Variants in NAV1 observed in about 807,000 individuals in gnomAD.
NAV1 encodes the protein neuron navigator 1.
NAV1 carries 18 observed loss-of-function variants against 175.2 expected under a neutral mutation model. That is an observed-to-expected ratio of 0.10 (90% CI 0.07 to 0.15). The LOEUF is 0.15. Among genes scored for constraint, NAV1 ranks in the 10% least tolerant of loss-of-function variants. The probability of loss-of-function intolerance (pLI) is 1.00; values close to 1 mark genes in which losing one functional copy is unlikely to be tolerated. For missense variants in NAV1, 1,731 were observed against 2,436.6 expected (o/e 0.71, Z 6.10); for synonymous variants, 897 against 978.7 (o/e 0.92, Z 1.56).
intron 1 of NAV1, among the ~76,000 whole-genome samples, chr1:201,699,434 T>G (rs1671320563): frequency 6.6e-6 from 1 of 152,120 alleles, no homozygotes; most frequent in South Asian, 2.1e-4. Context: ...CTCAATGAAA[T>G]AAAAGAGGAT....
In NAV1 at chr1:201,559,189, G is replaced by A. The variant is rs1017914342; in HGVS notation, c.-144+19847G>A. Among the ~76,000 whole-genome samples the A allele has an allele frequency of 9.9e-5, 15 of 152,228 alleles. No homozygotes were observed. In the East Asian group the frequency reaches 1.2e-3, roughly 12 times the overall value. On this transcript the variant is annotated intron_variant, in intron 1 of 33. Coordinates refer to the NAV1 transcript ENST00000685211. ...GATAGCTCTTGGCCTTCTGGAGCCCGTTTCCCCTCTGTAAATTGGGGGTTA... is the reference window on the plus strand; with the variant it reads ...GATAGCTCTTGGCCTTCTGGAGCCCATTTCCCCTCTGTAAATTGGGGGTTA...
intron 1 of NAV1, among the ~76,000 whole-genome samples, chr1:201,569,064 T>A (rs1666453794): frequency 1.3e-5 from 2 of 152,100 alleles, no homozygotes; most frequent in Admixed American, 1.3e-4. Context: ...CGTGTTTCCT[T>A]CCTGCTCTGG....
upstream of NAV1, among the ~76,000 whole-genome samples, chr1:201,645,279 T>G (rs1326012504): frequency 4.0e-5 from 6 of 151,626 alleles, no homozygotes; most frequent in Non-Finnish European, 7.4e-5. Flanking sequence ...GAAACCATCA[T>G]TCTCAGCAAA....
intron 3 of NAV1, among the ~76,000 whole-genome samples, chr1:201,748,420 TG>T (rs1360354717): frequency 6.6e-6 from 1 of 152,132 alleles, no homozygotes; most frequent in Admixed American, 6.5e-5. Context: ...GAAAGGGAGA[TG>T]GAATCTGGGC....
At chr1:201,811,705 G>A (rs935354616) in exon 25 of NAV1, 16 of 1,612,410 alleles carry the variant, frequency 9.9e-6, no homozygotes, top group Non-Finnish European at 1.2e-5. Context: ...GAGTGAAGCA[G>A]GCTCCATCAG....
chr1:201,758,842 A>G (rs972457088), intron 3 of NAV1, among the ~76,000 whole-genome samples: 5 of 152,190 alleles, frequency 3.3e-5, no homozygotes, highest in Admixed American at 6.5e-5. Flanking sequence ...TAGTATATGT[A>G]GTGGTTAAAA....
intron 7 of NAV1, 33 bp from the exon 12 acceptor site, chr1:201,785,277 T>G (rs1322870421): frequency 6.7e-7 from 1 of 1,482,534 alleles, no homozygotes; most frequent in Admixed American, 2.2e-5. Flanking sequence ...CTTCTCTCTC[T>G]CTCTCTTTTT....
At chr1:201,577,586 G>A (rs1291483844) in intron 1 of NAV1, among the ~76,000 whole-genome samples, 1 of 149,092 alleles carries the variant, frequency 6.7e-6, no homozygotes, top group African/African-American at 2.5e-5. Flanking sequence ...TCAAAAATCA[G>A]TTGGGCATAT....
chr1:201,701,427 A>T (rs918300178), intron 1 of NAV1, among the ~76,000 whole-genome samples: 4 of 117,176 alleles, frequency 3.4e-5, no homozygotes, highest in African/African-American at 9.9e-5. Flanking sequence ...AAAATAAAAA[A>T]AGAAAAAGAA....
chr1:201,633,661 A>G (rs959327658), intron 2 of NAV1, among the ~76,000 whole-genome samples: 3 of 152,102 alleles, frequency 2.0e-5, no homozygotes, highest in African/African-American at 7.2e-5. Context: ...TGTCACTCCA[A>G]ACCTATGTCA....
chr1:201,639,226 G>A (rs768228913), intron 2 of NAV1, among the ~76,000 whole-genome samples: 1 of 152,236 alleles, frequency 6.6e-6, no homozygotes, highest in Non-Finnish European at 1.5e-5. Flanking sequence ...CCAGAGTGGG[G>A]AAGGGCTTGA....
chr1:201,743,673 C>T lies in NAV1; in HGVS notation c.1226+24918C>T, dbSNP rs982901600. Among the ~76,000 whole-genome samples the T allele has an allele frequency of 4.0e-4, 61 of 152,058 alleles. 1 individual carries two copies. The highest frequency in any genetic ancestry group is 1.4e-3 in the African/African-American group (58 of 41,412). On this transcript the variant is annotated intron_variant, in intron 3 of 29. Coordinates refer to ENST00000367296, the Ensembl canonical transcript of NAV1. ...TTTTTTTTTTAGCATCTTTTTCTTC[C>T]GTCTTACTAGGACTCTAATGAGGAT...
chr1:201,685,004 C>T (rs1190480401), intron 1 of NAV1, among the ~76,000 whole-genome samples: 5 of 148,342 alleles, frequency 3.4e-5, no homozygotes, highest in East Asian at 4.1e-4. Context: ...TGGCCGGGCG[C>T]GGTGGCTTAT....
intron 2 of NAV1, among the ~76,000 whole-genome samples, chr1:201,606,320 G>C (rs1019745677): frequency 6.6e-6 from 1 of 152,184 alleles, no homozygotes. Context: ...TGTCTTTATT[G>C]TTCAAGGTAG....
intron 3 of NAV1, among the ~76,000 whole-genome samples, chr1:201,770,114 T>C (rs1169182493): frequency 6.6e-6 from 1 of 152,162 alleles, no homozygotes; most frequent in African/African-American, 2.4e-5. Flanking sequence ...GCCTAAAATG[T>C]GGGGAGCAGA....
At chr1:201,771,588 C>T (rs1483174207) in intron 3 of NAV1, among the ~76,000 whole-genome samples, 2 of 151,686 alleles carry the variant, frequency 1.3e-5, no homozygotes, top group Non-Finnish European at 2.9e-5. Flanking sequence ...ACTCAGCTCT[C>T]AATCCTAGCA....
rs185850409 is a variant in NAV1, at chr1:201,650,299, C to T, written c.757+874C>T. On this transcript the variant is annotated intron_variant, in intron 1 of 29. Coordinates refer to ENST00000367296, the Ensembl canonical transcript of NAV1. ...GGCCCCGGAACTGCTCTTTCTCTCC[C>T]CGGAGAGCCCCTGCCCTCAGAGAGG... Among the ~76,000 whole-genome samples the T allele has an allele frequency of 6.0e-4, 91 of 152,388 alleles. No homozygotes were observed. The East Asian group carries it at 0.017, about 28-fold the overall frequency.
intron 1 of NAV1, among the ~76,000 whole-genome samples, chr1:201,689,641 C>T (rs919534529): frequency 6.6e-6 from 1 of 152,156 alleles, no homozygotes; most frequent in Non-Finnish European, 1.5e-5. Flanking sequence ...TACATAAGCC[C>T]TGACTCTAGG....
chr1:201,721,785 A>T (rs1463282048), intron 3 of NAV1, among the ~76,000 whole-genome samples: 1 of 152,134 alleles, frequency 6.6e-6, no homozygotes, highest in Non-Finnish European at 1.5e-5. Flanking sequence ...GGGTGACATA[A>T]TCGGCTCCAA....
Sources: gnomAD v4.1 joint callset for allele counts (sites outside exome capture counted in the v4.1 genomes callset) on GRCh38, gnomAD v4.1.1 for gene constraint, MANE v1.5 for transcripts, NCBI Gene and HGNC (gene_info 2026-07-23, HGNC 2026-07-21) for gene names.